PLOD1: variants seen among roughly 807,000 people sequenced by gnomAD.
The protein encoded by PLOD1 is procollagen-lysine,2-oxoglutarate 5-dioxygenase 1.
Under a neutral mutation model 94.7 loss-of-function variants are expected in PLOD1, and 70 were observed. That is an observed-to-expected ratio of 0.74 (90% CI 0.61 to 0.90). PLOD1 has a LOEUF of 0.90. PLOD1 is among the 40% of genes least tolerant of loss of function. PLOD1 has a pLI of 0.00. For synonymous variants in PLOD1, 417 were observed against 400.2 expected, an observed-to-expected ratio of 1.04 and a Z score of -0.50; for missense variants, 905 against 972.7, an observed-to-expected ratio of 0.93 and a Z score of 0.93.
chr1:11,942,978 GGTTTTTT>G (rs1386628143), intron 1 of PLOD1, among the ~76,000 whole-genome samples: 2 of 150,076 alleles, frequency 1.3e-5, no homozygotes, highest in African/African-American at 2.5e-5. Flanking sequence ...TTGTTTGTTT[GGTTTTTT>G]GTTTTTTGTT....
At position 11,957,033 on chromosome 1, in the gene PLOD1, C is replaced by G; in HGVS notation, c.741+19C>G. 1.3e-6 allele frequency: 2 copies of G among 1,526,224 alleles called. No individual in the cohort carries two copies. The highest frequency in any genetic ancestry group is 2.2e-5 in the South Asian group (2 of 89,214). 94.5% of individuals were successfully genotyped at this position (1,526,224 alleles called of 1,614,324 possible). A position where few individuals can be genotyped will look rare whatever the true frequency, so the allele number is the denominator to read the frequency against. ...AACCAAGGTAGGGGGTCCCCAGCCC[C>G]TGGGGAGTGTGGGAGGGGGCCAGAG... On this transcript the variant is annotated intron_variant, in intron 7 of 18. Coordinates refer to ENST00000196061, the MANE Select transcript of PLOD1 (RefSeq NM_000302.4). This position sits in a 1 kb window ranked among gnomAD's most constrained non-coding sequence, Gnocchi z 4.1.
At chr1:11,959,047 A>G (rs1055117162) in intron 9 of PLOD1, among the ~76,000 whole-genome samples, 2 of 152,048 alleles carry the variant, frequency 1.3e-5, no homozygotes, top group African/African-American at 4.8e-5. Flanking sequence ...TCTACTAAAA[A>G]TACAAAATTA....
chr1:11,969,230 C>A (rs1645844244), intron 16 of PLOD1, among the ~76,000 whole-genome samples: 1 of 152,002 alleles, frequency 6.6e-6, no homozygotes, highest in African/African-American at 2.4e-5. Flanking sequence ...CTCCGGTGAT[C>A]CACCCACCTT....
At chr1:11,938,016 G>A (rs534660964) in intron 1 of PLOD1, among the ~76,000 whole-genome samples, 31 of 148,274 alleles carry the variant, frequency 2.1e-4, no homozygotes, top group African/African-American at 7.5e-4. Flanking sequence ...GCAGTGGCAC[G>A]ATCTCAGCGC....
rs372579008 is a variant in PLOD1, at chr1:11,970,732, C to A, written c.1818C>A (p.Ile606=). The A allele has an allele frequency of 1.2e-4, 198 of 1,612,414 alleles. No individual in the cohort carries two copies. The highest frequency in any genetic ancestry group is 2.2e-4 in the Admixed American group (13 of 59,848). ...CTATTGACATCCACATGAACCAGAT[C>A]GGCTTTGAGCGGGAGTGGCACAAAT... ...VPTIDIHMNQ[I]GFEREWHKFL... is the part of the protein sequence containing the mutation. The change falls in exon 17 of 19, where the codon ATC becomes ATA. Residue 606 remains isoleucine, a synonymous_variant. Transcript: ENST00000196061.
intron 5 of PLOD1, chr1:11,954,382 A>T: frequency 2.6e-6 from 1 of 385,454 alleles, no homozygotes; most frequent in South Asian, 1.9e-5. Context: ...GCTACTCAGG[A>T]GTCTGAGGCA....
At position 11,963,707 on chromosome 1, in the gene PLOD1, C is replaced by T; in HGVS notation, c.1202+71C>T. On this transcript the variant is annotated intron_variant, in intron 11 of 18. Coordinates refer to ENST00000196061, the MANE Select transcript of PLOD1 (RefSeq NM_000302.4). The surrounding 1 kb of genome is among the most constrained non-coding windows in gnomAD (Gnocchi z 4.3). The stretch of plus-strand genomic sequence containing the variant: ...GTCCTGGGGTGGCAGCCCTCCTTGC[C>T]TTCCTCCTCCTCCTCCTCATCCACC... 1 of 889,062 alleles carries T rather than the reference C, an allele frequency of 1.1e-6. No individual in the cohort carries two copies. The highest frequency in any genetic ancestry group is 2.6e-5 in the East Asian group (1 of 38,810). The allele number at this position is 889,062 out of a possible 1,614,324, so 55.1% of individuals were successfully genotyped here.
At position 11,966,251 on chromosome 1, in the gene PLOD1, G is replaced by C; in HGVS notation, c.1585G>C (p.Asp529His). Residue 529 changes from aspartate to histidine, a missense_variant and splice_region_variant, in exon 15 of 19, where the codon GAC (aspartate) becomes CAC (histidine). Asp to His is a moderately conservative substitution (Grantham distance 81). Coordinates refer to ENST00000196061, the MANE Select transcript of PLOD1 (RefSeq NM_000302.4). ...DLWEVFSNPE[D>H]WKEKYIHQNY... ...CTAGCCTGCTTCCCACTTCCCACAGGACTGGAAGGAGAAGTACATCCACCA... is the reference window on the plus strand; with the variant it reads ...CTAGCCTGCTTCCCACTTCCCACAGCACTGGAAGGAGAAGTACATCCACCA... 6.2e-7 allele frequency: 1 copy of C among 1,604,540 alleles called. No individual in the cohort carries two copies. The highest frequency in any genetic ancestry group is 8.5e-7 in the Non-Finnish European group (1 of 1,175,248).
At chr1:11,960,168 C>T (rs372670032) in intron 9 of PLOD1, among the ~76,000 whole-genome samples, 2 of 152,206 alleles carry the variant, frequency 1.3e-5, no homozygotes, top group East Asian at 3.8e-4. Flanking sequence ...GACGTGGTTT[C>T]ACCATCTTGG....
chr1:11,971,384 G>T (rs931632349), intron 17 of PLOD1, among the ~76,000 whole-genome samples: 6 of 150,896 alleles, frequency 4.0e-5, no homozygotes, highest in African/African-American at 1.5e-4. Context: ...AGGTCTCACC[G>T]CACACACCCC....
intron 16 of PLOD1, among the ~76,000 whole-genome samples, chr1:11,970,272 A>G (rs1314588083): frequency 6.6e-6 from 1 of 152,072 alleles, no homozygotes; most frequent in African/African-American, 2.4e-5. Context: ...AATAAAAATA[A>G]TAAAAATAAA....
Position 11,964,241 on chromosome 1 carries a change from T to G in PLOD1, c.1269T>G (p.Ser423Arg). 1 of 1,597,020 alleles carries G rather than the reference T, an allele frequency of 6.3e-7. No homozygotes were observed. Among genetic ancestry groups the G allele is most frequent in the Non-Finnish European group, 8.5e-7 (1 of 1,171,970 alleles). Residue 423 changes from serine (S) to arginine (R), a missense_variant, in exon 12 of 19, where the codon AGT becomes AGG. Coordinates refer to ENST00000196061, the MANE Select transcript of PLOD1 (RefSeq NM_000302.4). ...GGTCGAACTTCTGGGGGGCTCTCAG[T>G]GCAGATGGCTACTATGCCCGTTCCG... ...RLWSNFWGAL[S>R]ADGYYARSED... is the part of the protein sequence containing the mutation.
Position 11,975,277 on chromosome 1 carries a change from T to A in PLOD1, c.*469T>A. ...TGGGGTAAAGACACCTGGATCAGAC[T>A]CCAAGGGCTGCCCTGAGTCTGGGAC... is the stretch of plus-strand genomic sequence containing the variant. On this transcript the variant is annotated 3_prime_UTR_variant, in exon 19 of 19. Transcript: ENST00000196061. 2 of 261,956 alleles carry A rather than the reference T, an allele frequency of 7.6e-6. No homozygotes were observed. Among genetic ancestry groups the A allele is most frequent in the Non-Finnish European group, 7.5e-6 (1 of 132,646 alleles). 16.2% of individuals were successfully genotyped at this position (261,956 alleles called of 1,614,324 possible).
At position 11,966,307 on chromosome 1, in the gene PLOD1, G is replaced by C; in HGVS notation, c.1641G>C (p.Leu547=). ...QNYTKALAGK[L]VETPCPDVYW... ...ACACCAAAGCCCTGGCAGGGAAGCTGGTGGAGACGGTAAGGGCCATGGACA... is the reference window on the plus strand; with the variant it reads ...ACACCAAAGCCCTGGCAGGGAAGCTCGTGGAGACGGTAAGGGCCATGGACA... The change falls in exon 15 of 19, where the codon CTG becomes CTC. Residue 547 remains leucine (L), a synonymous_variant. Coordinates refer to ENST00000196061, the MANE Select transcript of PLOD1 (RefSeq NM_000302.4). The C allele has an allele frequency of 6.2e-7, 1 of 1,605,262 alleles. No individual in the cohort carries two copies. Among genetic ancestry groups the C allele is most frequent in the Non-Finnish European group, 8.5e-7 (1 of 1,175,534 alleles).
At chr1:11,951,594 T>C (rs188458830) in intron 4 of PLOD1, among the ~76,000 whole-genome samples, 1 of 145,404 alleles carries the variant, frequency 6.9e-6, no homozygotes, top group East Asian at 2.0e-4. Flanking sequence ...TAATGTAAAA[T>C]ATATTATATA....
intron 1 of PLOD1, chr1:11,944,811 C>T (rs1645639305): frequency 1.1e-5 from 5 of 469,264 alleles, no homozygotes; most frequent in Admixed American, 4.3e-5. Context: ...ACCCCTGCCC[C>T]AGCTACCCCT....
rs145396558 is a variant in PLOD1, at chr1:11,942,671, G to A, written c.77-5305G>A. Among the ~76,000 whole-genome samples, 507 of 152,262 alleles carry A rather than the reference G, an allele frequency of 3.3e-3. 2 individuals carry two copies. The highest frequency in any genetic ancestry group is 0.012 in the African/African-American group (484 of 41,548). ...GGCTTGCCTTCAGTTCTCTTGTTGT[G>A]AACCGCCTCCCAGACCCCTGCATTG... On this transcript the variant is annotated intron_variant, in intron 1 of 18. Coordinates refer to ENST00000196061, the MANE Select transcript of PLOD1 (RefSeq NM_000302.4).
chr1:11,949,911 G>T lies in PLOD1; in HGVS notation c.302+5G>T. Reference sequence around the variant, plus strand: ...GGTCATTCTCTTCGCAGACAGGTAGGTGGGTCAGGGCTTCCTAGCCTGGGC... The same window carrying T: ...GGTCATTCTCTTCGCAGACAGGTAGTTGGGTCAGGGCTTCCTAGCCTGGGC... On this transcript the variant is annotated splice_donor_5th_base_variant and intron_variant, in intron 3 of 18. Coordinates refer to ENST00000196061, the MANE Select transcript of PLOD1 (RefSeq NM_000302.4). The T allele has an allele frequency of 6.2e-7, 1 of 1,613,950 alleles. No homozygotes were observed. Among genetic ancestry groups the T allele is most frequent in the Non-Finnish European group, 8.5e-7 (1 of 1,179,842 alleles).
At chr1:11,966,432 A>C (rs530346996) in intron 15 of PLOD1, 116 bp downstream of exon 15, 1 of 246,640 alleles carries the variant, frequency 4.1e-6, no homozygotes, top group African/African-American at 3.3e-5. Flanking sequence ...TTGGGGGTGG[A>C]GGGATGGGAG....
Sources: allele counts gnomAD v4.1 joint callset (sites outside exome capture counted in the v4.1 genomes callset), GRCh38; gene constraint gnomAD v4.1.1; non-coding constraint Gnocchi (gnomAD v3.1); transcripts MANE v1.5; gene names NCBI Gene and HGNC (gene_info 2026-07-23, HGNC 2026-07-21).